BRINP1: variants seen among roughly 807,000 people sequenced by gnomAD.
BRINP1 encodes the protein BMP/retinoic acid-inducible neural-specific protein 1.
BRINP1 carries 17 observed loss-of-function variants against 72.9 expected under a neutral mutation model. That is an observed-to-expected ratio of 0.23 (90% CI 0.16 to 0.35). BRINP1 has a LOEUF of 0.35. BRINP1 is among the 10% of genes least tolerant of loss of function. The probability of loss-of-function intolerance (pLI) is 1.00; values close to 1 mark genes in which losing one functional copy is unlikely to be tolerated. For missense variants in BRINP1, 850 were observed against 1,001.6 expected, an observed-to-expected ratio of 0.85 and a Z score of 2.04; for synonymous variants, 418 against 378.5, an observed-to-expected ratio of 1.10 and a Z score of -1.21.
At chr9:119,253,961 G>A (rs1830419944) in intron 2 of BRINP1, among the ~76,000 whole-genome samples, 2 of 152,136 alleles carry the variant, frequency 1.3e-5, no homozygotes, top group Non-Finnish European at 2.9e-5. Flanking sequence ...CCATTACAGG[G>A]ATGTTGGAGC....
At chr9:119,188,359 A>G (rs1197594009) in intron 7 of BRINP1, among the ~76,000 whole-genome samples, 5 of 152,238 alleles carry the variant, frequency 3.3e-5, no homozygotes, top group Non-Finnish European at 5.9e-5. Context: ...AAAAATAAAA[A>G]AAACTTTCAA....
intron 1 of BRINP1, among the ~76,000 whole-genome samples, chr9:119,343,003 AT>A (rs1362676191): frequency 6.6e-6 from 1 of 152,194 alleles, no homozygotes; most frequent in Non-Finnish European, 1.5e-5. Flanking sequence ...AGTATAATAC[AT>A]TGGGCGGATG....
chr9:119,296,937 C>G (rs1420828602), intron 2 of BRINP1, among the ~76,000 whole-genome samples: 3 of 152,032 alleles, frequency 2.0e-5, no homozygotes, highest in Non-Finnish European at 4.4e-5. Context: ...TTCTGGAGAG[C>G]TAATATACAG....
Position 119,320,078 on chromosome 9 carries a change from G to C in BRINP1, c.-50-6673C>G, listed in dbSNP as rs1831169904. 2.0e-5 allele frequency among the ~76,000 whole-genome samples: 3 copies of C among 152,174 alleles called. No homozygotes were observed. In the East Asian group the frequency reaches 5.8e-4, roughly 29 times the overall value. On this transcript the variant is annotated intron_variant, in intron 1 of 7. Transcript: ENST00000265922. ...GAAGAGGGAGGTAGTACTTGAGAAG[G>C]GTTTCAAATAGCATGTACAGTTTTA...
chr9:119,226,128 A>G (rs1362032776), intron 5 of BRINP1, among the ~76,000 whole-genome samples: 14 of 152,052 alleles, frequency 9.2e-5, no homozygotes, highest in Non-Finnish European at 2.1e-4. Flanking sequence ...TAATAGAGGC[A>G]CATTAAAAAT....
intron 2 of BRINP1, among the ~76,000 whole-genome samples, chr9:119,305,383 T>A (rs1313734380): frequency 6.6e-6 from 1 of 152,184 alleles, no homozygotes; most frequent in Non-Finnish European, 1.5e-5. Context: ...TCACTAGACT[T>A]TAAAGATTGG....
chr9:119,184,079 A>C (rs960167379), intron 7 of BRINP1, among the ~76,000 whole-genome samples: 1 of 152,206 alleles, frequency 6.6e-6, no homozygotes, highest in East Asian at 1.9e-4. Flanking sequence ...CTTCCGAGCC[A>C]CAGGGGGGGA....
intron 7 of BRINP1, among the ~76,000 whole-genome samples, chr9:119,184,918 G>A (rs1381279140): frequency 2.6e-5 from 4 of 152,164 alleles, no homozygotes; most frequent in Non-Finnish European, 4.4e-5. Flanking sequence ...TACTGAGTGA[G>A]AAAAGGAAAT....
chr9:119,180,862 G>T (rs1305221339), intron 7 of BRINP1, among the ~76,000 whole-genome samples: 1 of 152,114 alleles, frequency 6.6e-6, no homozygotes, highest in Non-Finnish European at 1.5e-5. Flanking sequence ...TTCAATTGTG[G>T]AGTGAAGGTA....
At chr9:119,360,403 A>G (rs1257796406) in intron 1 of BRINP1, among the ~76,000 whole-genome samples, 1 of 152,198 alleles carries the variant, frequency 6.6e-6, no homozygotes, top group Non-Finnish European at 1.5e-5. Flanking sequence ...AGAACCCATC[A>G]AATTCCATAA....
At chr9:119,352,266 C>T (rs1753137380) in intron 1 of BRINP1, among the ~76,000 whole-genome samples, 1 of 152,174 alleles carries the variant, frequency 6.6e-6, no homozygotes, top group African/African-American at 2.4e-5. Context: ...ACGTTTCCTT[C>T]ATAGACATTT....
chr9:119,278,517 G>A (rs1830677559), intron 2 of BRINP1, among the ~76,000 whole-genome samples: 1 of 152,204 alleles, frequency 6.6e-6, no homozygotes, highest in Non-Finnish European at 1.5e-5. Flanking sequence ...GATGGATAAA[G>A]GGGCCTTAGG....
chr9:119,200,163 A>C (rs1484467311), intron 7 of BRINP1, among the ~76,000 whole-genome samples: 1 of 152,222 alleles, frequency 6.6e-6, no homozygotes, highest in Non-Finnish European at 1.5e-5. Context: ...CGGAGAAGCA[A>C]ATAATCTATG....
chr9:119,228,342 T>C (rs1276596884), intron 5 of BRINP1, among the ~76,000 whole-genome samples: 1 of 152,082 alleles, frequency 6.6e-6, no homozygotes, highest in Non-Finnish European at 1.5e-5. Flanking sequence ...ATATAATTCC[T>C]ATGCCCATGG....
rs1402736489 is a variant in BRINP1, at chr9:119,223,320, T to C, written c.686-9165A>G. ...TATATTTGGCTGTATGTAAATTATA[T>C]GTCAATGAACCTGAAAATAAAATAA... On this transcript the variant is annotated intron_variant, in intron 5 of 7. Coordinates refer to ENST00000265922, the MANE Select transcript of BRINP1 (RefSeq NM_014618.3). Among the ~76,000 whole-genome samples, 3 of 152,124 alleles carry C rather than the reference T, an allele frequency of 2.0e-5. No homozygotes were observed. The East Asian group carries it at 5.8e-4, about 29-fold the overall frequency.
chr9:119,254,114 A>G (rs974814776), intron 2 of BRINP1, among the ~76,000 whole-genome samples: 2 of 152,210 alleles, frequency 1.3e-5, no homozygotes, highest in African/African-American at 2.4e-5. Context: ...TACATATTCG[A>G]AATTTGAGCA....
At chr9:119,175,583 T>A (rs1474379889) in intron 7 of BRINP1, among the ~76,000 whole-genome samples, 1 of 152,072 alleles carries the variant, frequency 6.6e-6, no homozygotes, top group Non-Finnish European at 1.5e-5. Context: ...ATTCAGTTGA[T>A]TTCTATTGCA....
At chr9:119,251,857 G>A (rs994007819) in intron 2 of BRINP1, among the ~76,000 whole-genome samples, 3 of 151,994 alleles carry the variant, frequency 2.0e-5, no homozygotes, top group Non-Finnish European at 1.5e-5. Flanking sequence ...CCAGGGACTC[G>A]TTTCTAATTA....
At chr9:119,330,035 T>C (rs1398945987) in intron 1 of BRINP1, among the ~76,000 whole-genome samples, 1 of 152,162 alleles carries the variant, frequency 6.6e-6, no homozygotes, top group East Asian at 1.9e-4. Flanking sequence ...TTCACTTTGA[T>C]AGAGAACAAT....
Sources: gnomAD v4.1 joint callset for allele counts (sites outside exome capture counted in the v4.1 genomes callset) on GRCh38, gnomAD v4.1.1 for gene constraint, MANE v1.5 for transcripts, NCBI Gene and HGNC (gene_info 2026-07-23, HGNC 2026-07-21) for gene names.